PSMD11: variants seen among roughly 807,000 people sequenced by gnomAD.
The protein encoded by PSMD11 is proteasome 26S subunit, non-ATPase 11, also known as 26S proteasome non-ATPase regulatory subunit 11.
In PSMD11, 5 loss-of-function variants were observed where a neutral mutation model predicts 62.3. The ratio of observed to expected loss-of-function variants is 0.08; its 90% CI spans 0.04 to 0.17. The LOEUF is 0.17. Ranked by LOEUF, PSMD11 falls within the 10% of genes least tolerant of loss-of-function variation. The probability of loss-of-function intolerance (pLI) is 1.00; values close to 1 mark genes in which losing one functional copy is unlikely to be tolerated. For synonymous variants in PSMD11, 191 were observed against 191.8 expected, an observed-to-expected ratio of 1.00 and a Z score of 0.03; for missense variants, 310 against 512.9, an observed-to-expected ratio of 0.60 and a Z score of 3.82.
At chr17:32,445,107 C>G (rs1256418490) in intron 1 of PSMD11, 1 of 155,876 alleles carries the variant, frequency 6.4e-6, no homozygotes, top group Non-Finnish European at 1.4e-5. Flanking sequence ...TGGGAGTTTC[C>G]TTCCACGGGA....
intron 6 of PSMD11, among the ~76,000 whole-genome samples, chr17:32,471,715 A>G (rs1908166778): frequency 6.6e-6 from 1 of 152,182 alleles, no homozygotes; most frequent in Non-Finnish European, 1.5e-5. Context: ...CATGGAAGAA[A>G]GATGGTACAG....
intron 5 of PSMD11, 49 bp downstream of exon 5, chr17:32,464,627 C>G: frequency 7.0e-7 from 1 of 1,427,930 alleles, no homozygotes; most frequent in Non-Finnish European, 9.7e-7. Context: ...TGAATGTATT[C>G]TAAACCACCT....
At position 32,480,200 on chromosome 17, in the gene PSMD11, A is replaced by G. The variant is rs779572158; in HGVS notation, c.1126+3A>G. 1 of 1,612,330 alleles carries G rather than the reference A, an allele frequency of 6.2e-7. No homozygotes were observed. The highest frequency in any genetic ancestry group is 8.5e-7 in the Non-Finnish European group (1 of 1,178,344). On this transcript the variant is annotated splice_donor_region_variant and intron_variant, in intron 12 of 13. Transcript: ENST00000261712. ...GATTCTTGACAAGAAATTTCATGGTAAGTAACAGTCACACAGGCAAGGGGG... is the reference window on the plus strand; with the variant it reads ...GATTCTTGACAAGAAATTTCATGGTGAGTAACAGTCACACAGGCAAGGGGG...
chr17:32,450,291 G>C (rs894185871), intron 2 of PSMD11, among the ~76,000 whole-genome samples: 33 of 150,326 alleles, frequency 2.2e-4, no homozygotes, highest in African/African-American at 8.1e-4. Context: ...GTTTCATTCT[G>C]TTGCCCAGGC....
chr17:32,473,826 G>A lies in PSMD11; in HGVS notation c.669G>A (p.Lys223=). ...QSGIIHAAEE[K]DWKTAYSYFY... ...GTATTATCCATGCAGCAGAAGAGAA[G>A]GACTGGAAAACTGCGTACTCATACT... is the stretch of plus-strand genomic sequence containing the variant. The change falls in exon 7 of 14, where the codon AAG becomes AAA. Residue 223 remains lysine, a synonymous_variant. Coordinates refer to ENST00000261712, the MANE Select transcript of PSMD11 (RefSeq NM_002815.4). 1 of 1,613,900 alleles carries A rather than the reference G, an allele frequency of 6.2e-7. No individual in the cohort carries two copies. The highest frequency in any genetic ancestry group is 8.5e-7 in the Non-Finnish European group (1 of 1,179,792).
chr17:32,450,930 G>T (rs949723891), intron 2 of PSMD11, among the ~76,000 whole-genome samples: 3 of 151,268 alleles, frequency 2.0e-5, no homozygotes, highest in African/African-American at 7.3e-5. Flanking sequence ...AAGCAGCATG[G>T]GTAACATAAG....
intron 3 of PSMD11, among the ~76,000 whole-genome samples, chr17:32,459,966 G>GAATA (rs1907775121): frequency 6.6e-6 from 1 of 152,026 alleles, no homozygotes; most frequent in Non-Finnish European, 1.5e-5. Flanking sequence ...CTGGGTGTTG[G>GAATA]GAAAGAATAG....
chr17:32,478,902 A>AT lies in PSMD11; in HGVS notation c.913-339dup, dbSNP rs558819535. 2.3e-4 allele frequency among the ~76,000 whole-genome samples: 34 copies of AT among 148,814 alleles called. No individual in the cohort carries two copies. In the South Asian group the frequency reaches 3.2e-3, roughly 14 times the overall value. On this transcript the variant is annotated intron_variant, in intron 9 of 13. Coordinates refer to ENST00000261712, the MANE Select transcript of PSMD11 (RefSeq NM_002815.4). ...ACTCCACCTTTTTGTTCTATTTTGTATTTTTTTTTTCTCTTAGAGACTACC... is the reference window on the plus strand; with the variant it reads ...ACTCCACCTTTTTGTTCTATTTTGTATTTTTTTTTTTCTCTTAGAGACTACC...
At chr17:32,455,462 G>A (rs944100109) in intron 3 of PSMD11, among the ~76,000 whole-genome samples, 2 of 152,156 alleles carry the variant, frequency 1.3e-5, no homozygotes, top group African/African-American at 4.8e-5. Context: ...GATAATATAA[G>A]GGCAGAATTG....
In PSMD11 at chr17:32,473,863, T is replaced by A. The variant is rs770607576; in HGVS notation, c.706T>A (p.Phe236Ile). The A allele has an allele frequency of 1.2e-6, 2 of 1,613,950 alleles. No individual in the cohort carries two copies. Residue 236 changes from phenylalanine (F) to isoleucine (I), a missense_variant, in exon 7 of 14, where the codon TTT becomes ATT. Coordinates refer to ENST00000261712, the MANE Select transcript of PSMD11 (RefSeq NM_002815.4). Reference protein sequence around the residue: ...KTAYSYFYEAFEGYDSIDSPK... With the variant: ...KTAYSYFYEAIEGYDSIDSPK... ...TGCGTACTCATACTTCTATGAGGCA[T>A]TTGAGGGTTATGACTCCATCGACAG...
rs1205606046 is a variant in PSMD11 at position 32,447,006 on chromosome 17, G to A, written c.153G>A (p.Leu51=). ...EAVQVKEQSI[L]ELGSLLAKTG... ...TGCAAGTCAAAGAGCAGAGCATCCT[G>A]GAACTGGGATCTCTCCTGGCAAAGA... The change falls in exon 2 of 14, where the codon CTG becomes CTA. Residue 51 remains leucine, a synonymous_variant. Transcript: ENST00000261712. 14 of 1,612,680 alleles carry A rather than the reference G, an allele frequency of 8.7e-6. No homozygotes were observed. The highest frequency in any genetic ancestry group is 1.7e-5 in the Admixed American group (1 of 59,758).
intron 6 of PSMD11, among the ~76,000 whole-genome samples, chr17:32,471,119 G>A (rs941181168): frequency 6.6e-6 from 1 of 152,164 alleles, no homozygotes; most frequent in African/African-American, 2.4e-5. Context: ...CAAATGGATG[G>A]GGCTGAGGTC....
chr17:32,463,426 G>A (rs1025522120), intron 3 of PSMD11: 1 of 152,090 alleles, frequency 6.6e-6, no homozygotes, highest in Non-Finnish European at 1.5e-5. Context: ...TAGATCAGGA[G>A]CTCAATCTGT....
rs892468317 is a variant in PSMD11 at position 32,480,978 on chromosome 17, G to GAA, written c.*236_*237dup. The GAA allele has an allele frequency of 1.3e-5, 2 of 158,934 alleles. No individual in the cohort carries two copies. The highest frequency in any genetic ancestry group is 2.6e-5 in the Non-Finnish European group (2 of 75,662). 9.8% of individuals were successfully genotyped at this position (158,934 alleles called of 1,614,324 possible). On this transcript the variant is annotated 3_prime_UTR_variant, in exon 14 of 14. Coordinates refer to ENST00000261712, the MANE Select transcript of PSMD11 (RefSeq NM_002815.4). ...GAAATTGCTTAAAAAAAAAGAAAAAGAAAAAAAAAAAGATTATTCTAAATA... is the reference window on the plus strand; with the variant it reads ...GAAATTGCTTAAAAAAAAAGAAAAAGAAAAAAAAAAAAAGATTATTCTAAATA...
intron 3 of PSMD11, among the ~76,000 whole-genome samples, chr17:32,457,956 G>A (rs1907699543): frequency 6.6e-6 from 1 of 151,832 alleles, no homozygotes; most frequent in Admixed American, 6.6e-5. Flanking sequence ...GCCCGCCACT[G>A]CACCTGGCTA....
intron 1 of PSMD11, chr17:32,445,043 C>T (rs1432868241): frequency 5.3e-6 from 1 of 188,082 alleles, no homozygotes; most frequent in East Asian, 1.7e-4. Flanking sequence ...CATTTCCCGC[C>T]GTTGTAATCA....
At chr17:32,477,675 C>A in intron 9 of PSMD11, 92 bp downstream of exon 9, 1 of 1,218,840 alleles carries the variant, frequency 8.2e-7, no homozygotes, top group Non-Finnish European at 1.2e-6. Context: ...ATTATAGTTT[C>A]AAAAGAAGTT....
chr17:32,479,777 CT>C (rs1429468085), intron 10 of PSMD11, 73 bp from the exon 11 acceptor site: 2 of 1,515,126 alleles, frequency 1.3e-6, no homozygotes, highest in African/African-American at 1.4e-5. Context: ...AGTTCTCCCC[CT>C]GTTCCCTCCC....
Position 32,467,300 on chromosome 17 carries a change from C to T in PSMD11, c.449-1699C>T, listed in dbSNP as rs144327287. The stretch of plus-strand genomic sequence containing the variant: ...TTGCTCTGTCTCCCAGGCTGGAGTG[C>T]GGTGGCACGATCTCGGCTCACTGCA... On this transcript the variant is annotated intron_variant, in intron 5 of 13. Transcript: ENST00000261712. 1.2e-3 allele frequency among the ~76,000 whole-genome samples: 149 copies of T among 128,908 alleles called. 1 individual carries two copies. The East Asian group carries it at 0.025, about 22-fold the overall frequency. 84.6% of individuals were successfully genotyped at this position (128,908 alleles called of 152,430 possible). A position where few individuals can be genotyped will look rare whatever the true frequency, so the allele number is the denominator to read the frequency against.
Sources: allele counts gnomAD v4.1 joint callset (sites outside exome capture counted in the v4.1 genomes callset), GRCh38; gene constraint gnomAD v4.1.1; transcripts MANE v1.5; gene names NCBI Gene and HGNC (gene_info 2026-07-23, HGNC 2026-07-21).